The following TMCO5A variants were observed in gnomAD, a reference collection of about 807,000 sequenced individuals.
The protein encoded by TMCO5A is transmembrane and coiled-coil domain-containing protein 5A.
In TMCO5A, 34 loss-of-function variants were observed where a neutral mutation model predicts 42.3. That is an observed-to-expected ratio of 0.80 (90% CI 0.61 to 1.07). The LOEUF is 1.07. Ranked by LOEUF, TMCO5A falls within the 50% of genes least tolerant of loss-of-function variation. The pLI, the probability that TMCO5A is intolerant of heterozygous loss-of-function variation, is 0.00. For synonymous variants in TMCO5A, 131 were observed against 115.6 expected (o/e 1.13, Z -0.86); for missense variants, 357 against 327.9 (o/e 1.09, Z -0.69).
At chr15:38,019,820 C>T in the TMCO5A span, among the ~76,000 whole-genome samples, 1,281 of 150,998 alleles carry the variant, frequency 8.5e-3, 17 homozygotes, top group African/African-American at 0.029. Flanking sequence ...TGCCTTGTTA[C>T]CTAAACTGGT....
exon 12 of TMCO5A, chr15:37,966,752 A>T: frequency 2.9e-6 from 2 of 701,226 alleles, no homozygotes; most frequent in South Asian, 3.0e-5. Flanking sequence ...AAAAGGTCAT[A>T]AACTGGCCTA....
the TMCO5A span, among the ~76,000 whole-genome samples, chr15:38,007,339 C>G: frequency 7.6e-4 from 116 of 152,268 alleles, no homozygotes; most frequent in Non-Finnish European, 1.5e-3. Flanking sequence ...GCAAAGGATA[C>G]TCTAACACAA....
At chr15:37,940,431 A>G (rs1197097850) in intron 6 of TMCO5A, among the ~76,000 whole-genome samples, 4 of 152,134 alleles carry the variant, frequency 2.6e-5, no homozygotes, top group African/African-American at 9.7e-5. Context: ...CCAAATCTCC[A>G]TTTAGCTAGC....
the TMCO5A span, among the ~76,000 whole-genome samples, chr15:38,007,998 C>T: frequency 1.1e-4 from 17 of 148,274 alleles, no homozygotes; most frequent in African/African-American, 3.2e-4. Context: ...CAGGTTCACG[C>T]CATTCTCCTG....
At chr15:37,947,758 G>A in intron 11 of TMCO5A, 62 bp downstream of exon 11, 1 of 1,164,238 alleles carries the variant, frequency 8.6e-7, no homozygotes, top group Non-Finnish European at 1.3e-6. Context: ...AGCTATTCGG[G>A]CAGAGGGAAA....
the TMCO5A span, among the ~76,000 whole-genome samples, chr15:38,021,952 G>A: frequency 1.3e-5 from 2 of 151,838 alleles, no homozygotes; most frequent in Admixed American, 6.6e-5. Context: ...TGGGACTACA[G>A]GCAAGCGCCA....
At chr15:37,964,887 T>C (rs1203191810) in intron 11 of TMCO5A, among the ~76,000 whole-genome samples, 2 of 152,100 alleles carry the variant, frequency 1.3e-5, no homozygotes, top group African/African-American at 4.8e-5. Flanking sequence ...ACCAACGACA[T>C]TCTTCACATA....
the TMCO5A span, among the ~76,000 whole-genome samples, chr15:38,023,500 G>C: frequency 1.3e-5 from 2 of 152,150 alleles, no homozygotes; most frequent in African/African-American, 4.8e-5. Context: ...ATGTTTTAAA[G>C]GTAAACATTC....
At chr15:37,976,717 C>T in the TMCO5A span, among the ~76,000 whole-genome samples, 1 of 151,298 alleles carries the variant, frequency 6.6e-6, no homozygotes, top group Non-Finnish European at 1.5e-5. Flanking sequence ...TGTAATTGTA[C>T]TATGAAATTC....
chr15:38,012,274 C>G, the TMCO5A span, among the ~76,000 whole-genome samples: 1 of 152,170 alleles, frequency 6.6e-6, no homozygotes, highest in African/African-American at 2.4e-5. Context: ...TCTCACGGTG[C>G]CTCTCACCAG....
At chr15:37,952,724 G>T (rs529662137), downstream of TMCO5A, among the ~76,000 whole-genome samples, 1 of 152,144 alleles carries the variant, frequency 6.6e-6, no homozygotes, top group East Asian at 1.9e-4. Context: ...CTTCCAGCTT[G>T]GTCACAGTGA....
the TMCO5A span, among the ~76,000 whole-genome samples, chr15:37,996,721 C>A: frequency 6.6e-6 from 1 of 151,986 alleles, no homozygotes; most frequent in African/African-American, 2.4e-5. Context: ...CTAAGTAAGC[C>A]CTTACCTGAA....
the TMCO5A span, among the ~76,000 whole-genome samples, chr15:37,973,157 CTT>C: frequency 5.0e-5 from 7 of 139,842 alleles, no homozygotes; most frequent in East Asian, 2.1e-4. Context: ...TCTTTTTTTC[CTT>C]TTTTTTTTTT....
At chr15:37,992,626 A>G in the TMCO5A span, among the ~76,000 whole-genome samples, 1 of 152,172 alleles carries the variant, frequency 6.6e-6, no homozygotes, top group South Asian at 2.1e-4. Flanking sequence ...ATTAGATTTT[A>G]AAGATGTGGT....
the TMCO5A span, among the ~76,000 whole-genome samples, chr15:38,036,778 A>G: frequency 0.023 from 3,424 of 152,074 alleles, 126 homozygotes; most frequent in African/African-American, 0.078. Context: ...GACTTATATC[A>G]TGGTATAATT....
the TMCO5A span, among the ~76,000 whole-genome samples, chr15:37,984,305 T>A: frequency 2.6e-5 from 4 of 152,118 alleles, no homozygotes; most frequent in African/African-American, 4.8e-5. Flanking sequence ...GATTTTTTTT[T>A]ATCACAACTG....
At chr15:37,988,470 G>A in the TMCO5A span, among the ~76,000 whole-genome samples, 1 of 151,972 alleles carries the variant, frequency 6.6e-6, no homozygotes, top group Non-Finnish European at 1.5e-5. Context: ...TGAGTATGAT[G>A]TTTGCTGTGA....
chr15:37,965,098 G>A lies in TMCO5A; in HGVS notation c.669-1527G>A, dbSNP rs138878001. 2.3e-3 allele frequency among the ~76,000 whole-genome samples: 356 copies of A among 152,186 alleles called. 2 individuals carry two copies. The highest frequency in any genetic ancestry group is 8.2e-3 in the African/African-American group (339 of 41,530). ...CCAATGGAACATAATAGAGAACCCAGAAACAAATATGCACACCTAAAGTGA... is the reference window on the plus strand; with the variant it reads ...CCAATGGAACATAATAGAGAACCCAAAAACAAATATGCACACCTAAAGTGA... On this transcript the variant is annotated intron_variant, in intron 11 of 11. Transcript: ENST00000559502.
At chr15:38,004,690 GCA>G in the TMCO5A span, 2 of 152,282 alleles carry the variant, frequency 1.3e-5, no homozygotes, top group Non-Finnish European at 2.9e-5. Context: ...ATGTAAAATT[GCA>G]CAGTTACTGC....
Sources: gnomAD v4.1 joint callset for allele counts (sites outside exome capture counted in the v4.1 genomes callset) on GRCh38, gnomAD v4.1.1 for gene constraint, MANE v1.5 for transcripts, NCBI Gene and HGNC (gene_info 2026-07-23, HGNC 2026-07-21) for gene names.